Variants in ZUP1 observed in about 807,000 individuals in gnomAD.
The protein encoded by ZUP1 is zinc finger-containing ubiquitin peptidase 1.
Under a neutral mutation model 68.1 loss-of-function variants are expected in ZUP1, and 55 were observed. The ratio of observed to expected loss-of-function variants is 0.81; its 90% CI spans 0.65 to 1.01. The LOEUF (loss-of-function observed/expected upper bound fraction) is 1.01, where lower values mean the gene tolerates loss of function less well. ZUP1 is among the 50% of genes least tolerant of loss of function. The pLI, the probability that ZUP1 is intolerant of heterozygous loss-of-function variation, is 0.00. For missense variants in ZUP1, 684 were observed against 674.9 expected (o/e 1.01, Z -0.15); for synonymous variants, 223 against 221.5 (o/e 1.01, Z -0.06).
chr6:116,643,754 T>A (rs1323947796), intron 9 of ZUP1, among the ~76,000 whole-genome samples: 5 of 152,124 alleles, frequency 3.3e-5, no homozygotes, highest in Non-Finnish European at 1.5e-5. Flanking sequence ...AACCTAGGCA[T>A]TACCATTCAG....
intron 7 of ZUP1, among the ~76,000 whole-genome samples, chr6:116,650,089 A>C (rs1776433481): frequency 6.6e-6 from 1 of 152,096 alleles, no homozygotes; most frequent in Non-Finnish European, 1.5e-5. Context: ...AATAGAGAAA[A>C]AGCAAAGATT....
At chr6:116,648,216 A>G (rs1776374145) in intron 7 of ZUP1, among the ~76,000 whole-genome samples, 1 of 152,222 alleles carries the variant, frequency 6.6e-6, no homozygotes, top group Admixed American at 6.5e-5. Context: ...TTCAAGAGGA[A>G]GTCACCCTTG....
intron 9 of ZUP1, among the ~76,000 whole-genome samples, chr6:116,644,208 T>C (rs941703189): frequency 6.6e-6 from 1 of 152,184 alleles, no homozygotes; most frequent in African/African-American, 2.4e-5. Flanking sequence ...GGAGAGGATG[T>C]GGAGAAATAG....
intron 9 of ZUP1, among the ~76,000 whole-genome samples, chr6:116,642,249 C>T (rs996752761): frequency 2.0e-5 from 3 of 152,104 alleles, no homozygotes; most frequent in African/African-American, 7.2e-5. Flanking sequence ...CCGAATTCTA[C>T]CAGAGGTACA....
chr6:116,664,997 CT>C (rs1313072088), intron 2 of ZUP1, among the ~76,000 whole-genome samples: 1 of 151,734 alleles, frequency 6.6e-6, no homozygotes, highest in African/African-American at 2.4e-5. Flanking sequence ...GTAAAGAATA[CT>C]TTTTTAGACA....
Position 116,651,585 on chromosome 6 carries a change from A to C in ZUP1, c.1303T>G (p.Ser435Ala). The C allele has an allele frequency of 6.2e-7, 1 of 1,609,026 alleles. No homozygotes were observed. The highest frequency in any genetic ancestry group is 8.5e-7 in the Non-Finnish European group (1 of 1,177,808). Reference protein sequence around the residue: ...GACEVYILLTSLRVKCHIVDF... With the variant: ...GACEVYILLTALRVKCHIVDF... ...TAAGGTACATACTTTACCCTTAGGG[A>C]GGTCAGGAGTATATATACTTCACAT... Residue 435 changes from serine to alanine, a missense_variant, in exon 7 of 10, where the codon TCC becomes GCC. Transcript: ENST00000368576.
chr6:116,643,860 C>T (rs1158592889), intron 9 of ZUP1, among the ~76,000 whole-genome samples: 1 of 152,192 alleles, frequency 6.6e-6, no homozygotes. Flanking sequence ...AACTACAGAG[C>T]TTCTGCACAG....
At chr6:116,644,545 T>C (rs527387041) in intron 9 of ZUP1, among the ~76,000 whole-genome samples, 1 of 152,020 alleles carries the variant, frequency 6.6e-6, no homozygotes, top group Non-Finnish European at 1.5e-5. Flanking sequence ...TGTAGGGACA[T>C]GGATGAAATT....
At chr6:116,663,625 G>T (rs1776909103) in intron 2 of ZUP1, among the ~76,000 whole-genome samples, 1 of 152,102 alleles carries the variant, frequency 6.6e-6, no homozygotes, top group South Asian at 2.1e-4. Context: ...AATACTCAAG[G>T]GAATTAATGT....
At chr6:116,644,806 T>C (rs914735737) in intron 9 of ZUP1, among the ~76,000 whole-genome samples, 9 of 151,400 alleles carry the variant, frequency 5.9e-5, no homozygotes, top group African/African-American at 2.2e-4. Context: ...AACCTGCACA[T>C]TGTGCACATG....
At chr6:116,659,215 T>C (rs1776761286) in intron 3 of ZUP1, among the ~76,000 whole-genome samples, 1 of 152,192 alleles carries the variant, frequency 6.6e-6, no homozygotes, top group Non-Finnish European at 1.5e-5. Flanking sequence ...CTGCAACCTC[T>C]GCCTGCCAGG....
In ZUP1 at chr6:116,656,172, C is replaced by T. The variant is rs565083169; in HGVS notation, c.961+512G>A. 3.2e-3 allele frequency among the ~76,000 whole-genome samples: 484 copies of T among 152,046 alleles called. 4 individuals carry two copies. The highest frequency in any genetic ancestry group is 0.011 in the African/African-American group (467 of 41,512). On this transcript the variant is annotated intron_variant, in intron 5 of 9. Transcript: ENST00000368576. ...TCGGCTCACCGCAACCTCCGCCTCCCGGGTTCAAGCGATTCTCCTGCCTCA... is the reference window on the plus strand; with the variant it reads ...TCGGCTCACCGCAACCTCCGCCTCCTGGGTTCAAGCGATTCTCCTGCCTCA...
intron 9 of ZUP1, among the ~76,000 whole-genome samples, chr6:116,643,980 A>G (rs1776206429): frequency 6.6e-6 from 1 of 152,184 alleles, no homozygotes; most frequent in Non-Finnish European, 1.5e-5. Flanking sequence ...ATGAACTCAA[A>G]CAAATTTACA....
At chr6:116,651,769 CTG>C in intron 6 of ZUP1, 32 bp from the exon 7 acceptor site, 1 of 1,609,348 alleles carries the variant, frequency 6.2e-7, no homozygotes, top group South Asian at 1.1e-5. Context: ...TGTTACATGA[CTG>C]TTAATAAAGT....
intron 9 of ZUP1, among the ~76,000 whole-genome samples, chr6:116,638,030 C>T (rs2115375072): frequency 1.4e-5 from 2 of 142,962 alleles, no homozygotes; most frequent in Middle Eastern, 7.7e-3. Flanking sequence ...CAAGCCACTG[C>T]ACTCCAGCTT....
At chr6:116,655,323 A>T (rs1302544300) in intron 5 of ZUP1, among the ~76,000 whole-genome samples, 1 of 152,182 alleles carries the variant, frequency 6.6e-6, no homozygotes, top group Non-Finnish European at 1.5e-5. Context: ...AATTTATAGC[A>T]TACATGTTGT....
Position 116,667,002 on chromosome 6 carries a change from C to A in ZUP1, c.191G>T (p.Arg64Met). The A allele has an allele frequency of 6.2e-7, 1 of 1,613,468 alleles. No homozygotes were observed. Among genetic ancestry groups the A allele is most frequent in the South Asian group, 1.1e-5 (1 of 90,988 alleles). Residue 64 changes from arginine to methionine, a missense_variant, in exon 2 of 10, where the codon AGG becomes ATG. Transcript: ENST00000368576. ...EQNTLERNFERINTVQYGTSD... is the reference protein window; with the variant it reads ...EQNTLERNFEMINTVQYGTSD... ...AGTTCCATATTGTACTGTATTTATCCTCTCAAAGTTTCTTTCAAGTGTATT... is the reference window on the plus strand; with the variant it reads ...AGTTCCATATTGTACTGTATTTATCATCTCAAAGTTTCTTTCAAGTGTATT...
chr6:116,646,507 T>C (rs1776314331), intron 8 of ZUP1, among the ~76,000 whole-genome samples: 1 of 152,174 alleles, frequency 6.6e-6, no homozygotes, highest in African/African-American at 2.4e-5. Flanking sequence ...GAACTTATAT[T>C]CTAATAGGAA....
In ZUP1 at chr6:116,652,118, C is replaced by T. The variant is rs780654646; in HGVS notation, c.1036G>A (p.Val346Met). The T allele has an allele frequency of 6.2e-7, 1 of 1,613,992 alleles. No homozygotes were observed. Among genetic ancestry groups the T allele is most frequent in the Non-Finnish European group, 8.5e-7 (1 of 1,179,900 alleles). The change falls in exon 6 of 10, where the codon GTG (valine) becomes ATG (methionine). Residue 346 changes from valine (V) to methionine (M), a missense_variant. Val to Met is a conservative substitution (Grantham distance 21, BLOSUM62 1). Transcript: ENST00000368576. ...DVRRVWLSSV[V>M]DHFHSSLGDK... ...CCTAAAGATGAATGAAAGTGATCCA[C>T]CACTGAAGAAAGCCACACCCGTCTC...
Sources: gnomAD v4.1 joint callset for allele counts (sites outside exome capture counted in the v4.1 genomes callset) on GRCh38, gnomAD v4.1.1 for gene constraint, MANE v1.5 for transcripts, NCBI Gene and HGNC (gene_info 2026-07-23, HGNC 2026-07-21) for gene names.